The following PCDHA1 variants were observed in gnomAD, a reference collection of about 807,000 sequenced individuals.
PCDHA1 encodes protocadherin alpha-1.
A neutral mutation model predicts 61.3 loss-of-function variants in PCDHA1; 42 were observed. That is an observed-to-expected ratio of 0.69 (90% CI 0.54 to 0.89). PCDHA1 has a LOEUF of 0.89. Among genes scored for constraint, PCDHA1 ranks in the 40% least tolerant of loss-of-function variants. The pLI, the probability that PCDHA1 is intolerant of heterozygous loss-of-function variation, is 0.00. For synonymous variants in PCDHA1, 610 were observed against 553.8 expected (o/e 1.10, Z -1.43); for missense variants, 1,256 against 1,235.3 (o/e 1.02, Z -0.25).
intron 1 of PCDHA1, chr5:140,875,768 G>A (rs997656321): frequency 6.2e-7 from 1 of 1,614,262 alleles, no homozygotes; most frequent in Non-Finnish European, 8.5e-7. Context: ...TGCGGGCGGA[G>A]CGCGGAGTGC....
intron 1 of PCDHA1, among the ~76,000 whole-genome samples, chr5:140,978,710 A>G (rs576055391): frequency 1.3e-5 from 2 of 152,378 alleles, no homozygotes; most frequent in East Asian, 3.9e-4. Flanking sequence ...GGTGGCCTTT[A>G]CAAGATTATT....
intron 1 of PCDHA1, among the ~76,000 whole-genome samples, chr5:140,903,825 C>A (rs1367828043): frequency 2.0e-5 from 3 of 152,092 alleles, no homozygotes; most frequent in Admixed American, 2.0e-4. Flanking sequence ...ACATGAATGT[C>A]TGTTGGTATT....
chr5:140,868,423 T>A (rs1554161972), intron 1 of PCDHA1: 1 of 151,106 alleles, frequency 6.6e-6, no homozygotes, highest in African/African-American at 2.4e-5. Flanking sequence ...CCCACAGAGA[T>A]GAGAATAGAT....
At chr5:140,993,523 C>CAG (rs111789518) in intron 3 of PCDHA1, among the ~76,000 whole-genome samples, 24 of 145,748 alleles carry the variant, frequency 1.6e-4, no homozygotes, top group African/African-American at 5.0e-4. Flanking sequence ...GAGAGAGAGA[C>CAG]AGAGAGAGAG....
chr5:140,935,957 A>G (rs1427987096), intron 1 of PCDHA1, among the ~76,000 whole-genome samples: 5 of 150,604 alleles, frequency 3.3e-5, no homozygotes, highest in African/African-American at 1.2e-4. Context: ...AAGTGGTACA[A>G]TCTTGGCTCA....
chr5:140,837,766 TCCTGGG>T (rs1439414038), intron 1 of PCDHA1, among the ~76,000 whole-genome samples: 1 of 151,794 alleles, frequency 6.6e-6, no homozygotes, highest in Admixed American at 6.6e-5. Context: ...AACCTGAAAG[TCCTGGG>T]CTCACAGGAT....
At chr5:140,823,365 G>A (rs2150125065) in intron 1 of PCDHA1, 4 of 1,612,764 alleles carry the variant, frequency 2.5e-6, no homozygotes, top group East Asian at 2.2e-5. Context: ...TGGAGCTGCT[G>A]CAGTTCCAGG....
intron 1 of PCDHA1, chr5:140,822,606 G>A (rs1554128745): frequency 1.2e-6 from 2 of 1,608,162 alleles, no homozygotes; most frequent in Non-Finnish European, 8.5e-7. Flanking sequence ...AGGAAATAGT[G>A]TATTTCTTTA....
At chr5:140,822,922 C>A in intron 1 of PCDHA1, 1 of 1,614,270 alleles carries the variant, frequency 6.2e-7, no homozygotes, top group Non-Finnish European at 8.5e-7. Flanking sequence ...TGCCAACGGG[C>A]AGGTGACCTG....
rs185281311 is a variant in PCDHA1 at position 140,896,058 on chromosome 5, G to A, written c.2395-82891G>A. The stretch of plus-strand genomic sequence containing the variant: ...ACTCCTGACCTCAGGTGATCCGCCT[G>A]CCTCGGCCTCCCAACATGCTGGGAT... On this transcript the variant is annotated intron_variant, in intron 1 of 3. Coordinates refer to ENST00000504120, the MANE Select transcript of PCDHA1 (RefSeq NM_018900.4). 4.1e-3 allele frequency among the ~76,000 whole-genome samples: 624 copies of A among 152,238 alleles called. 2 individuals carry two copies. The highest frequency in any genetic ancestry group is 6.8e-3 in the Middle Eastern group (2 of 294).
At chr5:140,844,694 T>C (rs2150373280) in intron 1 of PCDHA1, among the ~76,000 whole-genome samples, 1 of 149,782 alleles carries the variant, frequency 6.7e-6, no homozygotes, top group Admixed American at 6.7e-5. Context: ...ATACAGAATA[T>C]TTGGGATTAT....
At position 140,830,486 on chromosome 5, in the gene PCDHA1, G is replaced by A. The variant is rs2150187168; in HGVS notation, c.2394+41802G>A. On this transcript the variant is annotated intron_variant, in intron 1 of 3. Transcript: ENST00000504120. The stretch of plus-strand genomic sequence containing the variant: ...TTTAAATGAAGATCATGATGCCAAA[G>A]TAAGTGAATTTTCATAATTAACAGT... 3 of 1,500,990 alleles carry A rather than the reference G, an allele frequency of 2.0e-6. No homozygotes were observed. In the East Asian group the frequency reaches 7.1e-5, roughly 36 times the overall value. The allele number at this position is 1,500,990 out of a possible 1,614,324, so 93.0% of individuals were successfully genotyped here.
At chr5:140,852,863 G>A (rs945338680) in intron 1 of PCDHA1, 4 of 958,208 alleles carry the variant, frequency 4.2e-6, no homozygotes, top group Non-Finnish European at 3.8e-6. Flanking sequence ...CATTTACTAT[G>A]TCATCAATAA....
intron 1 of PCDHA1, among the ~76,000 whole-genome samples, chr5:140,930,783 A>G (rs1211509868): frequency 6.6e-6 from 1 of 152,246 alleles, no homozygotes; most frequent in Non-Finnish European, 1.5e-5. Context: ...TATTTTCACA[A>G]TATAATAGAA....
At chr5:140,951,170 A>G (rs62384503) in intron 1 of PCDHA1, among the ~76,000 whole-genome samples, 5,911 of 151,952 alleles carry the variant, frequency 0.039, 176 homozygotes, top group Non-Finnish European at 0.057. Flanking sequence ...TAGCTACTTT[A>G]AAGTCATTGT....
At chr5:140,952,885 A>G (rs1285549724) in intron 1 of PCDHA1, among the ~76,000 whole-genome samples, 1 of 152,174 alleles carries the variant, frequency 6.6e-6, no homozygotes, top group Non-Finnish European at 1.5e-5. Flanking sequence ...TCATGGTGGA[A>G]GGCAAAGGGG....
At chr5:140,967,518 A>T (rs1554229639) in intron 1 of PCDHA1, 1 of 1,612,930 alleles carries the variant, frequency 6.2e-7, no homozygotes, top group Non-Finnish European at 8.5e-7. Flanking sequence ...CTGGACACTA[A>T]CGACAACTCT....
intron 1 of PCDHA1, chr5:140,850,485 A>G: frequency 1.3e-6 from 2 of 1,597,954 alleles, no homozygotes; most frequent in Non-Finnish European, 1.7e-6. Context: ...GGCCACGGCC[A>G]CTGTGCTGGT....
At chr5:140,889,257 A>G (rs946372435) in intron 1 of PCDHA1, among the ~76,000 whole-genome samples, 1 of 151,854 alleles carries the variant, frequency 6.6e-6, no homozygotes, top group Non-Finnish European at 1.5e-5. Flanking sequence ...TTTCCTGTAA[A>G]AGTTTGTATA....
Sources: gnomAD v4.1 joint callset for allele counts (sites outside exome capture counted in the v4.1 genomes callset) on GRCh38, gnomAD v4.1.1 for gene constraint, MANE v1.5 for transcripts, NCBI Gene and HGNC (gene_info 2026-07-23, HGNC 2026-07-21) for gene names.